KCNIP4: variants seen among roughly 807,000 people sequenced by gnomAD.
KCNIP4 encodes potassium voltage-gated channel interacting protein 4, also known as Kv channel-interacting protein 4.
A neutral mutation model predicts 34.0 loss-of-function variants in KCNIP4; 12 were observed. That is an observed-to-expected ratio of 0.35 (90% CI 0.23 to 0.57). The LOEUF is 0.57. Among genes scored for constraint, KCNIP4 ranks in the 20% least tolerant of loss-of-function variants. The pLI is 0.83. For missense variants in KCNIP4, 238 were observed against 311.7 expected, an observed-to-expected ratio of 0.76 and a Z score of 1.78; for synonymous variants, 124 against 102.2, an observed-to-expected ratio of 1.21 and a Z score of -1.29.
chr4:21,739,515 G>A (rs769655196), intron 1 of KCNIP4, among the ~76,000 whole-genome samples: 1 of 151,850 alleles, frequency 6.6e-6, no homozygotes, highest in Non-Finnish European at 1.5e-5. Flanking sequence ...AGAAAATGAC[G>A]TTTTTCAAAG....
chr4:21,509,969 T>A (rs529149477), intron 1 of KCNIP4, among the ~76,000 whole-genome samples: 1 of 150,902 alleles, frequency 6.6e-6, no homozygotes, highest in East Asian at 2.0e-4. Flanking sequence ...AATACAAAAA[T>A]TAGCTGGGTG....
chr4:21,337,154 G>A (rs1578095655), intron 1 of KCNIP4, among the ~76,000 whole-genome samples: 2 of 152,092 alleles, frequency 1.3e-5, no homozygotes, highest in Non-Finnish European at 2.9e-5. Flanking sequence ...GGTGTGGCTG[G>A]AGCAAAAGGT....
chr4:21,743,639 T>G (rs1716574510), intron 1 of KCNIP4, among the ~76,000 whole-genome samples: 1 of 151,810 alleles, frequency 6.6e-6, no homozygotes, highest in Non-Finnish European at 1.5e-5. Context: ...CAATTCCTTT[T>G]TTTTGTAGGG....
At chr4:21,856,248 T>A (rs569618154) in intron 1 of KCNIP4, among the ~76,000 whole-genome samples, 2 of 152,328 alleles carry the variant, frequency 1.3e-5, no homozygotes, top group East Asian at 3.9e-4. Flanking sequence ...TTATTAGATG[T>A]AGGGATGCCA....
At chr4:21,876,579 T>C (rs1726127260) in intron 1 of KCNIP4, among the ~76,000 whole-genome samples, 1 of 152,178 alleles carries the variant, frequency 6.6e-6, no homozygotes, top group Non-Finnish European at 1.5e-5. Flanking sequence ...GAATTAATTT[T>C]AGAGCCAAAT....
chr4:21,192,803 C>T (rs1276251436), intron 1 of KCNIP4, among the ~76,000 whole-genome samples: 1 of 151,778 alleles, frequency 6.6e-6, no homozygotes, highest in Non-Finnish European at 1.5e-5. Context: ...TGCCTGTAAT[C>T]CCAGCACTTT....
chr4:20,777,735 G>C (rs1294625751), intron 3 of KCNIP4, among the ~76,000 whole-genome samples: 1 of 152,192 alleles, frequency 6.6e-6, no homozygotes, highest in South Asian at 2.1e-4. Context: ...TTGCAGAGAT[G>C]AATTAGTGTA....
chr4:21,796,235 C>T (rs925205041), intron 1 of KCNIP4, among the ~76,000 whole-genome samples: 6 of 152,094 alleles, frequency 3.9e-5, no homozygotes, highest in African/African-American at 9.7e-5. Flanking sequence ...GTACTTCTTA[C>T]ACAATTTTTT....
intron 3 of KCNIP4, among the ~76,000 whole-genome samples, chr4:20,792,782 AAG>A (rs1239647875): frequency 6.6e-6 from 1 of 152,156 alleles, no homozygotes; most frequent in African/African-American, 2.4e-5. Flanking sequence ...TAAAATTACA[AAG>A]AGAAATAGAT....
intron 1 of KCNIP4, among the ~76,000 whole-genome samples, chr4:21,590,103 T>C (rs911749210): frequency 5.9e-5 from 9 of 151,900 alleles, no homozygotes; most frequent in African/African-American, 1.9e-4. Flanking sequence ...ATAAAAGTGG[T>C]ATTATGAAAA....
intron 1 of KCNIP4, chr4:21,848,269 G>C (rs1724151102): frequency 6.6e-6 from 1 of 152,136 alleles, no homozygotes; most frequent in East Asian, 1.9e-4. Flanking sequence ...TGGGAGGACT[G>C]TTTTAGACTG....
At chr4:21,887,029 T>C (rs1379138840) in intron 1 of KCNIP4, among the ~76,000 whole-genome samples, 2 of 152,152 alleles carry the variant, frequency 1.3e-5, no homozygotes, top group Non-Finnish European at 2.9e-5. Flanking sequence ...TTGACATCAT[T>C]GCCAGCTTCA....
chr4:20,962,098 C>T (rs1024274315), intron 1 of KCNIP4, among the ~76,000 whole-genome samples: 3 of 152,142 alleles, frequency 2.0e-5, no homozygotes, highest in African/African-American at 7.2e-5. Context: ...AAATTTCCTG[C>T]TGTGCTCAAT....
intron 1 of KCNIP4, among the ~76,000 whole-genome samples, chr4:21,347,140 TG>T (rs1488565810): frequency 6.6e-6 from 1 of 152,154 alleles, no homozygotes; most frequent in East Asian, 1.9e-4. Context: ...ATATTTCAAA[TG>T]GAAGAGATTT....
At chr4:21,232,279 T>G (rs140976454) in intron 1 of KCNIP4, among the ~76,000 whole-genome samples, 50 of 152,258 alleles carry the variant, frequency 3.3e-4, no homozygotes, top group African/African-American at 1.1e-3. Context: ...ATCGATTTGT[T>G]GAGTTAAAAA....
In KCNIP4 at chr4:21,790,969, CAAAAAAAAAAAAA is replaced by C. The variant is rs10560597; in HGVS notation, c.61+157589_61+157601del. Among the ~76,000 whole-genome samples, 413 of 89,686 alleles carry C rather than the reference CAAAAAAAAAAAAA, an allele frequency of 4.6e-3. 2 individuals carry two copies. Among genetic ancestry groups the C allele is most frequent in the Middle Eastern group, 0.02 (2 of 102 alleles). 58.8% of individuals were successfully genotyped at this position (89,686 alleles called of 152,430 possible). A position where few individuals can be genotyped will look rare whatever the true frequency, so the allele number is the denominator to read the frequency against. ...CTCCTTTATTTGCCTGCGCACTCCA[CAAAAAAAAAAAAA>C]AAAAAAAAAAAAAGTTATATCTTGG... On this transcript the variant is annotated intron_variant, in intron 1 of 8. Coordinates refer to ENST00000382152, the MANE Select transcript of KCNIP4 (RefSeq NM_025221.6).
intron 1 of KCNIP4, among the ~76,000 whole-genome samples, chr4:21,582,647 G>A (rs939648701): frequency 1.3e-5 from 2 of 151,868 alleles, no homozygotes; most frequent in Non-Finnish European, 2.9e-5. Flanking sequence ...TATTAGAATA[G>A]TATTTTTCCA....
intron 1 of KCNIP4, among the ~76,000 whole-genome samples, chr4:21,243,221 A>G (rs1272496320): frequency 2.0e-5 from 3 of 152,132 alleles, no homozygotes; most frequent in African/African-American, 7.2e-5. Context: ...TTTATGATAC[A>G]TATAAGAAAT....
intron 1 of KCNIP4, among the ~76,000 whole-genome samples, chr4:21,086,989 CT>C (rs559696005): frequency 1.5e-3 from 196 of 126,786 alleles, no homozygotes; most frequent in Middle Eastern, 4.1e-3. Flanking sequence ...CTCTTTCTTT[CT>C]TTTTTTTTTT....
Sources: gnomAD v4.1 joint callset for allele counts (sites outside exome capture counted in the v4.1 genomes callset) on GRCh38, gnomAD v4.1.1 for gene constraint, MANE v1.5 for transcripts, NCBI Gene and HGNC (gene_info 2026-07-23, HGNC 2026-07-21) for gene names.